Variants in ZFP90 observed in about 807,000 individuals in gnomAD.
ZFP90 encodes zinc finger protein 90 homolog.
In ZFP90, 38 loss-of-function variants were observed where a neutral mutation model predicts 60.8. The observed-to-expected ratio is 0.62, with a 90% CI of 0.48 to 0.82. The LOEUF (loss-of-function observed/expected upper bound fraction) is 0.82, where lower values mean the gene tolerates loss of function less well. ZFP90 is among the 40% of genes least tolerant of loss of function. The probability of loss-of-function intolerance (pLI) is 0.00; values close to 1 mark genes in which losing one functional copy is unlikely to be tolerated. For synonymous variants in ZFP90, 287 were observed against 264.8 expected (o/e 1.08, Z -0.82); for missense variants, 711 against 759.1 (o/e 0.94, Z 0.74).
At chr16:68,572,613 A>G (rs1313837369) in intron 2 of ZFP90, among the ~76,000 whole-genome samples, 1 of 152,202 alleles carries the variant, frequency 6.6e-6, no homozygotes, top group Non-Finnish European at 1.5e-5. Flanking sequence ...GATGGGCCTC[A>G]TGCTCCTGGG....
In ZFP90 at chr16:68,550,423, T is replaced by C. The variant is rs372602437; in HGVS notation, c.34-7575T>C. Among the ~76,000 whole-genome samples the C allele has an allele frequency of 4.7e-4, 72 of 152,230 alleles. No homozygotes were observed. The East Asian group carries it at 0.013, about 27-fold the overall frequency. On this transcript the variant is annotated intron_variant, in intron 2 of 4. Transcript: ENST00000563169. ...TGTGCCACCACACCTAGGTAATTTT[T>C]GTATTTTTGTAGAGACTAGGTTTCT...
downstream of ZFP90, among the ~76,000 whole-genome samples, chr16:68,570,911 G>A (rs2091564506): frequency 6.6e-6 from 1 of 152,082 alleles, no homozygotes; most frequent in Non-Finnish European, 1.5e-5. Context: ...GCTCAGTTCT[G>A]TGAAAGGGCC....
At chr16:68,548,468 A>ATCC in intron 2 of ZFP90, among the ~76,000 whole-genome samples, 1 of 71,094 alleles carries the variant, frequency 1.4e-5, no homozygotes, top group Non-Finnish European at 2.9e-5. Context: ...TGTTCTGTTT[A>ATCC]TCCTCCTTTT....
At chr16:68,538,273 C>T (rs910397205), upstream of ZFP90, among the ~76,000 whole-genome samples, 4 of 152,082 alleles carry the variant, frequency 2.6e-5, no homozygotes. Flanking sequence ...AGGAACATTT[C>T]GTTGCAGTCA....
downstream of ZFP90, among the ~76,000 whole-genome samples, chr16:68,569,790 T>A (rs1034346530): frequency 1.3e-5 from 2 of 152,160 alleles, no homozygotes; most frequent in African/African-American, 2.4e-5. Flanking sequence ...AAAATAATTT[T>A]TTTAAAAAAG....
chr16:68,540,911 C>T (rs11643748), intron 2 of ZFP90, among the ~76,000 whole-genome samples: 23,746 of 125,608 alleles, frequency 0.19, 2,523 homozygotes, highest in African/African-American at 0.29. Flanking sequence ...TACATCATGC[C>T]TTTTTTTTTT....
intron 2 of ZFP90, among the ~76,000 whole-genome samples, chr16:68,540,751 C>T (rs1656171100): frequency 1.5e-5 from 2 of 132,614 alleles, no homozygotes; most frequent in African/African-American, 2.9e-5. Flanking sequence ...GCAATAGGAT[C>T]GTTTAAGCCC....
chr16:68,568,072 A>G (rs980440593), downstream of ZFP90, among the ~76,000 whole-genome samples: 2 of 152,198 alleles, frequency 1.3e-5, no homozygotes, highest in Non-Finnish European at 2.9e-5. Flanking sequence ...AAAAATTTTC[A>G]TGGATTACTG....
intron 4 of ZFP90, among the ~76,000 whole-genome samples, chr16:68,560,537 T>TTGATTTTGTTTGTTTGTTTG (rs149308667): frequency 8.2e-5 from 12 of 147,116 alleles, no homozygotes; most frequent in African/African-American, 2.7e-4. Context: ...CCACACTGGA[T>TTGATTTTGTTTGTTTGTTTG]TTTATTTATT....
In ZFP90 at chr16:68,564,328, A is replaced by G. The variant is rs1332587284; in HGVS notation, c.1541A>G (p.Glu514Gly). The G allele has an allele frequency of 6.2e-7, 1 of 1,614,184 alleles. No homozygotes were observed. The change falls in exon 5 of 5, where the codon GAG becomes GGG. Residue 514 changes from glutamate to glycine, a missense_variant. Physicochemically the swap from Glu to Gly is moderately conservative, Grantham distance 98. Transcript: ENST00000563169. ...KAFKRSTSFI[E>G]HHRIHTGEKP... Reference sequence around the variant, plus strand: ...TTCAAAAGGAGTACAAGTTTCATAGAGCATCACAGAATTCATACTGGAGAG... The same window carrying G: ...TTCAAAAGGAGTACAAGTTTCATAGGGCATCACAGAATTCATACTGGAGAG...
chr16:68,538,210 C>T (rs2090976993), upstream of ZFP90, among the ~76,000 whole-genome samples: 1 of 152,130 alleles, frequency 6.6e-6, no homozygotes, highest in Non-Finnish European at 1.5e-5. Flanking sequence ...CCGCACCCGG[C>T]ATAAAGCATT....
chr16:68,568,905 C>T (rs1048926896), downstream of ZFP90, among the ~76,000 whole-genome samples: 27 of 152,186 alleles, frequency 1.8e-4, no homozygotes, highest in African/African-American at 6.5e-4. Flanking sequence ...TTTCGAACTC[C>T]TGGCCTCAAG....
rs150595681 is a variant in ZFP90, at chr16:68,539,786, G to A, written c.-7G>A. 8.5e-4 allele frequency: 1,356 copies of A among 1,597,782 alleles called. 29 individuals carry two copies. In the East Asian group the frequency reaches 0.03, roughly 36 times the overall value. Reference sequence around the variant, plus strand: ...CTGCCCCGGAGCCGGGCCCTGGCGAGGCAGGAATGGCCCCGAGGCCTCCGA... The same window carrying A: ...CTGCCCCGGAGCCGGGCCCTGGCGAAGCAGGAATGGCCCCGAGGCCTCCGA... On this transcript the variant is annotated 5_prime_UTR_variant, in exon 2 of 5. Coordinates refer to ENST00000563169, the MANE Select transcript of ZFP90 (RefSeq NM_001305203.2).
intron 2 of ZFP90, 111 bp downstream of exon 2, chr16:68,539,936 T>A (rs1013555437): frequency 6.9e-7 from 1 of 1,440,818 alleles, no homozygotes; most frequent in African/African-American, 1.4e-5. Flanking sequence ...CTTACTTGCT[T>A]GGCTCGATCG....
chr16:68,551,239 A>G (rs1273806741), intron 2 of ZFP90, among the ~76,000 whole-genome samples: 1 of 151,484 alleles, frequency 6.6e-6, no homozygotes, highest in African/African-American at 2.4e-5. Context: ...TTGGATCTCC[A>G]GGAGGTGTGA....
intron 4 of ZFP90, among the ~76,000 whole-genome samples, chr16:68,561,078 A>G (rs2091433631): frequency 6.6e-6 from 1 of 151,866 alleles, no homozygotes; most frequent in South Asian, 2.1e-4. Context: ...GTATTTTAAT[A>G]GAGACAGGGT....
At chr16:68,557,251 C>T (rs1164937016) in intron 2 of ZFP90, 4 of 455,834 alleles carry the variant, frequency 8.8e-6, no homozygotes, top group East Asian at 6.9e-5. Flanking sequence ...CCGGCTCAAG[C>T]GTTCTGCCGG....
At chr16:68,556,709 C>T (rs763326666) in intron 2 of ZFP90, among the ~76,000 whole-genome samples, 12 of 152,118 alleles carry the variant, frequency 7.9e-5, no homozygotes, top group East Asian at 3.9e-4. Context: ...TCCTTTTTCT[C>T]GGAATCTGTT....
At position 68,566,246 on chromosome 16, in the gene ZFP90, A is replaced by G; in HGVS notation, c.*1548A>G. On this transcript the variant is annotated 3_prime_UTR_variant, in exon 5 of 5. Coordinates refer to ENST00000563169, the MANE Select transcript of ZFP90 (RefSeq NM_001305203.2). ...TGGGCTATCCTAAAGGAACTTCCAG[A>G]ACCTTTGTTGGTGTGTTGACATTGA... The G allele has an allele frequency of 1.0e-6, 1 of 985,606 alleles. No homozygotes were observed. Among genetic ancestry groups the G allele is most frequent in the Non-Finnish European group, 1.2e-6 (1 of 829,950 alleles). 61.1% of individuals were successfully genotyped at this position (985,606 alleles called of 1,614,324 possible).
Sources: gnomAD v4.1 joint callset for allele counts (sites outside exome capture counted in the v4.1 genomes callset) on GRCh38, gnomAD v4.1.1 for gene constraint, MANE v1.5 for transcripts, NCBI Gene and HGNC (gene_info 2026-07-23, HGNC 2026-07-21) for gene names.